Variants in DRC9 observed in about 807,000 individuals in gnomAD.
The protein encoded by DRC9 is dynein regulatory complex subunit 9.
chr3:197,896,472 C>G, the DRC9 span, among the ~76,000 whole-genome samples: 1 of 150,678 alleles, frequency 6.6e-6, no homozygotes, highest in Non-Finnish European at 1.5e-5. Context: ...AAGAAGGAAA[C>G]AAAATAAAGT....
At chr3:197,903,920 G>A in the DRC9 span, among the ~76,000 whole-genome samples, 3 of 150,918 alleles carry the variant, frequency 2.0e-5, no homozygotes, top group African/African-American at 7.3e-5. Flanking sequence ...GCCCGCCTGG[G>A]CAACAATAGT....
chr3:197,948,957 T>C, the DRC9 span, among the ~76,000 whole-genome samples: 1 of 152,198 alleles, frequency 6.6e-6, no homozygotes. Flanking sequence ...AGTGACTTTG[T>C]CAATATAGAA....
At chr3:197,939,063 A>C in the DRC9 span, 2 of 335,410 alleles carry the variant, frequency 6.0e-6, no homozygotes, top group East Asian at 6.3e-5. Context: ...CTCATGTTGT[A>C]ATTTTTTATA....
the DRC9 span, among the ~76,000 whole-genome samples, chr3:197,892,275 T>G: frequency 3.9e-5 from 6 of 152,210 alleles, no homozygotes; most frequent in African/African-American, 1.4e-4. Context: ...AAATCATCAC[T>G]GACTCTCTCC....
the DRC9 span, among the ~76,000 whole-genome samples, chr3:197,911,430 G>A: frequency 6.6e-6 from 1 of 151,904 alleles, no homozygotes; most frequent in Non-Finnish European, 1.5e-5. Context: ...TTTAATGAGT[G>A]CATTATTTAT....
the DRC9 span, among the ~76,000 whole-genome samples, chr3:197,904,019 CATACAT>C: frequency 2.2e-5 from 2 of 90,634 alleles, no homozygotes; most frequent in African/African-American, 1.4e-4. Context: ...TATATATATA[CATACAT>C]ATATATATAC....
the DRC9 span, among the ~76,000 whole-genome samples, chr3:197,930,390 C>T: frequency 6.6e-6 from 1 of 151,952 alleles, no homozygotes; most frequent in Admixed American, 6.6e-5. Context: ...TCAATGTTAG[C>T]ATAACATTTT....
chr3:197,952,062 T>C, the DRC9 span, among the ~76,000 whole-genome samples: 1 of 152,192 alleles, frequency 6.6e-6, no homozygotes, highest in Admixed American at 6.5e-5. Flanking sequence ...TGTGATCCTT[T>C]TAAGGTTTCT....
the DRC9 span, among the ~76,000 whole-genome samples, chr3:197,955,187 A>G: frequency 4.5e-3 from 682 of 152,274 alleles, 8 homozygotes; most frequent in East Asian, 0.046. Flanking sequence ...TAAGTGGTTC[A>G]TTAGGGTTTA....
the DRC9 span, among the ~76,000 whole-genome samples, chr3:197,897,888 A>G: frequency 6.7e-6 from 1 of 148,194 alleles, no homozygotes; most frequent in Non-Finnish European, 1.5e-5. Context: ...CTCCTGCCTC[A>G]GCCTCCCGAG....
At chr3:197,942,881 G>A in the DRC9 span, among the ~76,000 whole-genome samples, 30 of 126,056 alleles carry the variant, frequency 2.4e-4, no homozygotes, top group Admixed American at 4.3e-4. Context: ...CAACAAGAGC[G>A]AAACTCCATC....
the DRC9 span, chr3:197,892,539 G>GAGCACCCTAATTCCTTCCACTCCCTCCTC: frequency 6.8e-7 from 1 of 1,474,004 alleles, no homozygotes; most frequent in African/African-American, 1.6e-5. Context: ...CCTCCTCAGT[G>GAGCACCCTAATTCCTTCCACTCCCTCCTC]AGTGCCCTAA....
At chr3:197,917,043 G>C in the DRC9 span, among the ~76,000 whole-genome samples, 6 of 152,224 alleles carry the variant, frequency 3.9e-5, no homozygotes, top group African/African-American at 1.4e-4. Context: ...CAACCTGGTG[G>C]GGTGGCTCAC....
At chr3:197,903,808 T>C in the DRC9 span, among the ~76,000 whole-genome samples, 4 of 151,174 alleles carry the variant, frequency 2.6e-5, no homozygotes, top group Admixed American at 6.6e-5. Context: ...AATCTAATAA[T>C]GTGAAAAATG....
the DRC9 span, among the ~76,000 whole-genome samples, chr3:197,895,546 G>T: frequency 1.1e-4 from 17 of 152,204 alleles, no homozygotes; most frequent in Admixed American, 3.9e-4. Flanking sequence ...GATTACAAGT[G>T]TGAGGCACCA....
chr3:197,897,639 TAA>T, the DRC9 span, among the ~76,000 whole-genome samples: 1 of 152,160 alleles, frequency 6.6e-6, no homozygotes, highest in South Asian at 2.1e-4. Flanking sequence ...ACAGCTAGAC[TAA>T]TAGACATTTA....
chr3:197,913,337 C>CGTGTGTGCGTGCGTGCGTGCGTGT, the DRC9 span: 2 of 205,626 alleles, frequency 9.7e-6, no homozygotes, highest in African/African-American at 5.5e-5. Context: ...TGCGTGCGTG[C>CGTGTGTGCGTGCGTGCGTGCGTGT]GTGCGTGCGT....
the DRC9 span, chr3:197,912,959 G>C: frequency 1.8e-6 from 1 of 552,202 alleles, no homozygotes. Flanking sequence ...AACGAGACGA[G>C]CACAATCCCG....
chr3:197,955,841 A>G, the DRC9 span: 1 of 1,291,408 alleles, frequency 7.7e-7, no homozygotes, highest in Non-Finnish European at 1.1e-6. Flanking sequence ...TAAAAAACTT[A>G]CTACCTTAAA....
Sources: allele counts gnomAD v4.1 joint callset (sites outside exome capture counted in the v4.1 genomes callset), GRCh38; gene constraint gnomAD v4.1.1; transcripts MANE v1.5; gene names NCBI Gene and HGNC (gene_info 2026-07-23, HGNC 2026-07-21).